Variants in TTC3 observed in about 807,000 individuals in gnomAD.
TTC3 encodes the protein E3 ubiquitin-protein ligase TTC3.
In TTC3, 180 loss-of-function variants were observed where a neutral mutation model predicts 249.6. The ratio of observed to expected loss-of-function variants is 0.72; its 90% CI spans 0.64 to 0.82. The LOEUF (loss-of-function observed/expected upper bound fraction) is 0.82, where lower values mean the gene tolerates loss of function less well. TTC3 is among the 40% of genes least tolerant of loss of function. The pLI is 0.00. For synonymous variants in TTC3, 717 were observed against 805.0 expected, an observed-to-expected ratio of 0.89 and a Z score of 1.85; for missense variants, 2,061 against 2,398.4, an observed-to-expected ratio of 0.86 and a Z score of 2.94.
intron 2 of TTC3, 49 bp from the exon 3 acceptor site, chr21:37,087,784 T>C: frequency 1.4e-6 from 2 of 1,417,388 alleles, no homozygotes; most frequent in Non-Finnish European, 2.0e-6. Flanking sequence ...AGATTAAAAA[T>C]CAAGAACATT....
chr21:37,140,610 C>T (rs2078353560), exon 20 of TTC3: 1 of 1,605,494 alleles, frequency 6.2e-7, no homozygotes, highest in Non-Finnish European at 8.5e-7. Context: ...GAACACTACC[C>T]CAGTGAGGGC....
chr21:37,160,892 A>C (rs1433893157), intron 30 of TTC3, 34 bp downstream of exon 30: 5 of 1,595,500 alleles, frequency 3.1e-6, no homozygotes, highest in Non-Finnish European at 4.3e-6. Context: ...TTCTTGTCTA[A>C]ACTCTCCAAA....
intron 27 of TTC3, 93 bp from the exon 28 acceptor site, chr21:37,156,560 CTA>C: frequency 1.4e-6 from 2 of 1,470,302 alleles, no homozygotes; most frequent in Non-Finnish European, 9.1e-7. Flanking sequence ...TATAAGCAAA[CTA>C]TAATCAGCTG....
Position 37,130,420 on chromosome 21 carries a change from T to G in TTC3, c.1358+1357T>G, listed in dbSNP as rs1245034261. On this transcript the variant is annotated intron_variant, in intron 16 of 45. Coordinates refer to ENST00000355666, the Ensembl canonical transcript of TTC3. ...AAAAAAAATTTATTTTTCTGATATTTTGTTTCACTTTTCCAACTGAACACT... is the reference window on the plus strand; with the variant it reads ...AAAAAAAATTTATTTTTCTGATATTGTGTTTCACTTTTCCAACTGAACACT... 2.6e-5 allele frequency among the ~76,000 whole-genome samples: 4 copies of G among 152,318 alleles called. No homozygotes were observed. The East Asian group carries it at 5.8e-4, about 22-fold the overall frequency.
At position 37,078,394 on chromosome 21, in the gene TTC3, G is replaced by A. The variant is rs183588711; in HGVS notation, c.-12+5030G>A. Among the ~76,000 whole-genome samples, 11 of 152,216 alleles carry A rather than the reference G, an allele frequency of 7.2e-5. No homozygotes were observed. The East Asian group carries it at 1.9e-3, about 27-fold the overall frequency. The stretch of plus-strand genomic sequence containing the variant: ...AATTGAATCAGTTTGGGGGAGAATC[G>A]AAATCTTTAAGATTTTGATCCTTTT... On this transcript the variant is annotated intron_variant, in intron 1 of 45. Transcript: ENST00000355666.
chr21:37,087,188 CT>C, intron 1 of TTC3, 58 bp from the exon 2 acceptor site: 19 of 1,576,880 alleles, frequency 1.2e-5, no homozygotes, highest in Non-Finnish European at 1.5e-5. Flanking sequence ...GCCAGGAAAA[CT>C]TTCTTCTGTT....
chr21:37,098,724 T>C (rs2074191162), intron 10 of TTC3: 1 of 152,202 alleles, frequency 6.6e-6, no homozygotes, highest in South Asian at 2.1e-4. Context: ...GTAGGGATAA[T>C]GTTTTCAGAG....
chr21:37,181,204 TGTATGTGCAC>T (rs2082730262), intron 35 of TTC3, among the ~76,000 whole-genome samples: 1 of 152,248 alleles, frequency 6.6e-6, no homozygotes, highest in Non-Finnish European at 1.5e-5. Flanking sequence ...TATATGTGTA[TGTATGTGCAC>T]ATATGTTTAT....
chr21:37,175,702 CTAAGAATGGCCTCTTTAGG>C (rs2082210954), intron 35 of TTC3, among the ~76,000 whole-genome samples: 1 of 151,502 alleles, frequency 6.6e-6, no homozygotes, highest in Non-Finnish European at 1.5e-5. Flanking sequence ...TATTCATGAG[CTAAGAATGGCCTCTTTAGG>C]CAATTAGGCC....
intron 10 of TTC3, among the ~76,000 whole-genome samples, chr21:37,099,382 G>A (rs1231502522): frequency 6.6e-6 from 1 of 152,324 alleles, no homozygotes; most frequent in East Asian, 1.9e-4. Context: ...GGGAGGCCAA[G>A]CAAAGTGTCT....
rs572348403 is a variant in TTC3 at position 37,150,057 on chromosome 21, T to G, written c.2119-21T>G. ...CCTAGACATAACATTTTTCTTGTTT[T>G]TTTTTTTTTTAATCAAATAGGATTT... On this transcript the variant is annotated intron_variant, in intron 23 of 45. Coordinates refer to ENST00000355666, the Ensembl canonical transcript of TTC3. 24 of 1,556,010 alleles carry G rather than the reference T, an allele frequency of 1.5e-5. No individual in the cohort carries two copies. The South Asian group carries it at 1.8e-4, about 12-fold the overall frequency.
chr21:37,177,405 T>C (rs553649979), intron 35 of TTC3, among the ~76,000 whole-genome samples: 1 of 152,230 alleles, frequency 6.6e-6, no homozygotes, highest in Non-Finnish European at 1.5e-5. Context: ...GGTCACATGA[T>C]AAATGGAATG....
intron 23 of TTC3, among the ~76,000 whole-genome samples, chr21:37,149,498 T>C (rs905980111): frequency 4.6e-5 from 7 of 152,348 alleles, no homozygotes; most frequent in African/African-American, 7.2e-5. Context: ...TCTAGTGATA[T>C]ACCCTCTTTT....
intron 34 of TTC3, among the ~76,000 whole-genome samples, chr21:37,170,063 T>G (rs554682059): frequency 6.6e-6 from 1 of 152,228 alleles, no homozygotes; most frequent in African/African-American, 2.4e-5. Flanking sequence ...CGGGAAAAAT[T>G]TTTTGTAAGA....
Position 37,195,935 on chromosome 21 carries a change from G to T in TTC3, c.5478G>T (p.Gln1826His), listed in dbSNP as rs749924441. Residue 1826 changes from glutamine (Q) to histidine (H), a missense_variant, in exon 42 of 46, where the codon CAG becomes CAT. Transcript: ENST00000355666. ...GAAGCCCTGTGGCTGATCGGAAGCAGCCTGTTCCTCCAGGACGTGCTGCGC... is the reference window on the plus strand; with the variant it reads ...GAAGCCCTGTGGCTGATCGGAAGCATCCTGTTCCTCCAGGACGTGCTGCGC... 5.6e-6 allele frequency: 9 copies of T among 1,614,134 alleles called. No individual in the cohort carries two copies. In the South Asian group the frequency reaches 9.9e-5, roughly 18 times the overall value.
rs145384716 is a variant in TTC3, at chr21:37,100,476, G to A, written c.845+3833G>A. Among the ~76,000 whole-genome samples, 116 of 151,638 alleles carry A rather than the reference G, an allele frequency of 7.6e-4. 3 individuals carry two copies. The East Asian group carries it at 0.017, about 23-fold the overall frequency. ...AGAAGCGTGAAGTGTGCATGGGGAA[G>A]CCTGAGGTGAGGTATATATGGGGAA... On this transcript the variant is annotated intron_variant, in intron 10 of 45. Coordinates refer to ENST00000355666, the Ensembl canonical transcript of TTC3.
At chr21:37,091,350 A>C in exon 7 of TTC3, 2 of 1,611,756 alleles carry the variant, frequency 1.2e-6, no homozygotes, top group African/African-American at 2.7e-5. Flanking sequence ...CGATGTAACA[A>C]TTCTAACTAA....
At chr21:37,187,133 T>A in exon 38 of TTC3, 1 of 1,579,714 alleles carries the variant, frequency 6.3e-7, no homozygotes, top group Admixed American at 2.0e-5. Context: ...ATCAGAGAGC[T>A]GTGGCTGCAG....
chr21:37,120,147 A>G (rs2076467869), intron 11 of TTC3, among the ~76,000 whole-genome samples: 1 of 152,212 alleles, frequency 6.6e-6, no homozygotes, highest in Non-Finnish European at 1.5e-5. Flanking sequence ...AAGTGGGAAC[A>G]TGGTGGTCTC....
Sources: allele counts gnomAD v4.1 joint callset (sites outside exome capture counted in the v4.1 genomes callset), GRCh38; gene constraint gnomAD v4.1.1; transcripts MANE v1.5; gene names NCBI Gene and HGNC (gene_info 2026-07-23, HGNC 2026-07-21).